The following ZMAT2 variants were observed in gnomAD, a reference collection of about 807,000 sequenced individuals.
ZMAT2 encodes zinc finger matrin-type 2.
Under a neutral mutation model 27.5 loss-of-function variants are expected in ZMAT2, and 5 were observed. The ratio of observed to expected loss-of-function variants is 0.18; its 90% CI spans 0.10 to 0.38. ZMAT2 has a LOEUF of 0.38. Ranked by LOEUF, ZMAT2 falls within the 10% of genes least tolerant of loss-of-function variation. The probability of loss-of-function intolerance (pLI) is 1.00; values close to 1 mark genes in which losing one functional copy is unlikely to be tolerated. For missense variants in ZMAT2, 124 were observed against 243.9 expected, an observed-to-expected ratio of 0.51 and a Z score of 3.27; for synonymous variants, 76 against 78.6, an observed-to-expected ratio of 0.97 and a Z score of 0.17.
intron 3 of ZMAT2, among the ~76,000 whole-genome samples, chr5:140,703,407 T>G (rs2149861652): frequency 6.6e-6 from 1 of 152,070 alleles, no homozygotes; most frequent in East Asian, 1.9e-4. Flanking sequence ...GATTTTTTTG[T>G]ATTTTTAGTA....
chr5:140,700,590 C>T, intron 1 of ZMAT2, 112 bp downstream of exon 1: 1 of 1,576,652 alleles, frequency 6.3e-7, no homozygotes, highest in Non-Finnish European at 8.6e-7. Context: ...CTCGAGATCC[C>T]AGGGTTCAGG....
At chr5:140,701,934 T>G in intron 2 of ZMAT2, 72 bp from the exon 3 acceptor site, 1 of 1,533,338 alleles carries the variant, frequency 6.5e-7, no homozygotes, top group Non-Finnish European at 8.8e-7. Context: ...ATTTTGGATT[T>G]CATGCATTTT....
At chr5:140,701,501 C>G (rs980953012) in intron 2 of ZMAT2, among the ~76,000 whole-genome samples, 1 of 152,178 alleles carries the variant, frequency 6.6e-6, no homozygotes, top group African/African-American at 2.4e-5. Flanking sequence ...TCTTCTTTCC[C>G]TTTACCTCCA....
At chr5:140,701,675 T>C (rs1423183820) in intron 2 of ZMAT2, among the ~76,000 whole-genome samples, 1 of 152,244 alleles carries the variant, frequency 6.6e-6, no homozygotes. Flanking sequence ...CCTGAAAGCA[T>C]TCTTGAATGT....
rs1489222620 is a variant in ZMAT2 at position 140,704,301 on chromosome 5, T to TAA, written c.311-125_311-124insAA. On this transcript the variant is annotated intron_variant, in intron 4 of 5. Coordinates refer to ENST00000274712, the MANE Select transcript of ZMAT2 (RefSeq NM_144723.3). ...TCCTGGACCCAGCTGGCCAAGGGAG[T>TAA]TTCTTTTAGCCATAATTATTTTTGC... is the stretch of plus-strand genomic sequence containing the variant. The TAA allele has an allele frequency of 2.2e-6, 3 of 1,350,546 alleles. No individual in the cohort carries two copies. In the African/African-American group the frequency reaches 4.4e-5, roughly 20 times the overall value. 83.7% of individuals were successfully genotyped at this position (1,350,546 alleles called of 1,614,324 possible). A position where few individuals can be genotyped will look rare whatever the true frequency, so the allele number is the denominator to read the frequency against.
intron 3 of ZMAT2, among the ~76,000 whole-genome samples, chr5:140,702,933 T>G (rs1759991317): frequency 6.6e-6 from 1 of 152,242 alleles, no homozygotes; most frequent in Non-Finnish European, 1.5e-5. Flanking sequence ...AACCCACTGT[T>G]GTCCATTCCT....
Position 140,700,824 on chromosome 5 carries a change from A to T in ZMAT2, c.24A>T (p.Lys8Asn), listed in dbSNP as rs768839771. 1.6e-5 allele frequency: 26 copies of T among 1,613,946 alleles called. No homozygotes were observed. The highest frequency in any genetic ancestry group is 2.2e-5 in the Non-Finnish European group (26 of 1,179,888). MASGSGT[K>N]NLDFRRKWDK... ...ACGCTTTTTCCTCCCCACAGACAAA[A>T]AACTTGGACTTTCGCCGAAAGTGGG... Residue 8 changes from lysine to asparagine, a missense_variant, in exon 2 of 6, where the codon AAA becomes AAT. By Grantham distance (94) the Lys-to-Asn change is moderately conservative. Around this residue, in one of 5 missense-constraint regions of ZMAT2, gnomAD observed 24 missense variants for 24.1 expected, o/e 0.99. Transcript: ENST00000274712.
At chr5:140,704,613 TTTATG>T in intron 5 of ZMAT2, 42 bp downstream of exon 5, 1 of 1,604,932 alleles carries the variant, frequency 6.2e-7, no homozygotes, top group Non-Finnish European at 8.5e-7. Context: ...AGATTTGAGT[TTTATG>T]TTATGAATCA....
chr5:140,701,521 GCACT>G (rs1759963772), intron 2 of ZMAT2, among the ~76,000 whole-genome samples: 1 of 152,256 alleles, frequency 6.6e-6, no homozygotes, highest in Non-Finnish European at 1.5e-5. Context: ...AGGCCACCTT[GCACT>G]CACTAACTCT....
chr5:140,704,636 C>A (rs765146758), intron 5 of ZMAT2, 65 bp downstream of exon 5: 6 of 1,563,692 alleles, frequency 3.8e-6, no homozygotes, highest in Non-Finnish European at 5.2e-6. Context: ...TCATGGGAGA[C>A]CCTGTCCTCA....
intron 5 of ZMAT2, among the ~76,000 whole-genome samples, chr5:140,704,784 G>A (rs1379422157): frequency 6.7e-6 from 1 of 149,418 alleles, no homozygotes; most frequent in East Asian, 2.0e-4. Flanking sequence ...AGACTCTCTG[G>A]GCCTTATTTT....
Position 140,703,927 on chromosome 5 carries a change from C to T in ZMAT2, c.246C>T (p.Cys82=), listed in dbSNP as rs1482458270. 6.2e-7 allele frequency: 1 copy of T among 1,613,970 alleles called. No homozygotes were observed. The highest frequency in any genetic ancestry group is 8.5e-7 in the Non-Finnish European group (1 of 1,179,876). Reference sequence around the variant, plus strand: ...TGTTTCTTCCTGTTAGATATTACTGCAATGTCTGTGACTGTGTGGTGAAGG... The same window carrying T: ...TGTTTCTTCCTGTTAGATATTACTGTAATGTCTGTGACTGTGTGGTGAAGG... The part of the protein sequence containing the change: ...TPQSEMGGYY[C]NVCDCVVKDS... Residue 82 remains cysteine, a synonymous_variant, in exon 4 of 6, where the codon TGC becomes TGT. Transcript: ENST00000274712.
chr5:140,700,777 C>G (rs1400961600), intron 1 of ZMAT2, 42 bp from the exon 2 acceptor site: 3 of 1,606,368 alleles, frequency 1.9e-6, no homozygotes, highest in South Asian at 1.1e-5. Context: ...CTCTAGGGGC[C>G]CAGACACGGC....
intron 1 of ZMAT2, 59 bp from the exon 2 acceptor site, chr5:140,700,760 C>G (rs1266407485): frequency 6.3e-7 from 1 of 1,585,580 alleles, no homozygotes; most frequent in African/African-American, 1.4e-5. Flanking sequence ...GGCGCGGTTC[C>G]CTGCTTCTCT....
Position 140,704,419 on chromosome 5 carries a change from T to C in ZMAT2, c.311-7T>C, listed in dbSNP as rs922134306. Reference sequence around the variant, plus strand: ...AACTTGCCTTCTTCACTGTTGACCCTATGCAGATCAGAGAAACCTGGGCAT... The same window carrying C: ...AACTTGCCTTCTTCACTGTTGACCCCATGCAGATCAGAGAAACCTGGGCAT... On this transcript the variant is annotated splice_region_variant and splice_polypyrimidine_tract_variant and intron_variant, in intron 4 of 5. Coordinates refer to ENST00000274712, the MANE Select transcript of ZMAT2 (RefSeq NM_144723.3). 8.1e-6 allele frequency: 13 copies of C among 1,612,234 alleles called. No individual in the cohort carries two copies. The Admixed American group carries it at 2.2e-4, about 27-fold the overall frequency.
At chr5:140,701,582 C>A (rs1256899813) in intron 2 of ZMAT2, among the ~76,000 whole-genome samples, 1 of 152,176 alleles carries the variant, frequency 6.6e-6, no homozygotes, top group African/African-American at 2.4e-5. Context: ...TGACATGTAA[C>A]AGGCATTTCC....
chr5:140,701,345 C>T (rs1221068781), intron 2 of ZMAT2, among the ~76,000 whole-genome samples: 1 of 152,198 alleles, frequency 6.6e-6, no homozygotes, highest in Admixed American at 6.5e-5. Flanking sequence ...AGCCGGGGAA[C>T]TTTGCAGGAT....
intron 1 of ZMAT2, 40 bp downstream of exon 1, chr5:140,700,518 G>A: frequency 1.9e-6 from 3 of 1,612,372 alleles, no homozygotes; most frequent in South Asian, 1.1e-5. Flanking sequence ...GCGGGGTGGG[G>A]AATGGTTTTT....
Position 140,700,833 on chromosome 5 carries a change from C to T in ZMAT2, c.33C>T (p.Asp11=). The change falls in exon 2 of 6, where the codon GAC becomes GAT. Residue 11 remains aspartate, a synonymous_variant. Transcript: ENST00000274712. Reference sequence around the variant, plus strand: ...CCTCCCCACAGACAAAAAACTTGGACTTTCGCCGAAAGTGGGACAAAGATG... The same window carrying T: ...CCTCCCCACAGACAAAAAACTTGGATTTTCGCCGAAAGTGGGACAAAGATG... The part of the protein sequence containing the change: MASGSGTKNL[D]FRRKWDKDEY... 1 of 1,614,010 alleles carries T rather than the reference C, an allele frequency of 6.2e-7. No homozygotes were observed.
Sources: gnomAD v4.1 joint callset for allele counts (sites outside exome capture counted in the v4.1 genomes callset) on GRCh38, gnomAD v4.1.1 for gene constraint, gnomAD v4.1.1 regional missense constraint, MANE v1.5 for transcripts, NCBI Gene and HGNC (gene_info 2026-07-23, HGNC 2026-07-21) for gene names.